Variants in TRIM25 observed in about 807,000 individuals in gnomAD.
TRIM25 encodes the protein E3 ubiquitin/ISG15 ligase TRIM25.
In TRIM25, 45 loss-of-function variants were observed where a neutral mutation model predicts 65.2. The ratio of observed to expected loss-of-function variants is 0.69; its 90% confidence interval spans 0.54 to 0.89. The LOEUF is 0.89. Among genes scored for constraint, TRIM25 ranks in the 40% least tolerant of loss-of-function variants. TRIM25 has a pLI of 0.00. For missense variants in TRIM25, 714 were observed against 803.7 expected (o/e 0.89, Z 1.35); for synonymous variants, 321 against 340.4 (o/e 0.94, Z 0.63).
intron 4 of TRIM25, among the ~76,000 whole-genome samples, chr17:56,899,455 T>C (rs1909366426): frequency 6.6e-6 from 1 of 152,220 alleles, no homozygotes; most frequent in Admixed American, 6.5e-5. Flanking sequence ...CTCTGAGCTT[T>C]GGTTTCTTCG....
At chr17:56,907,527 C>A (rs1334793296) in intron 2 of TRIM25, among the ~76,000 whole-genome samples, 2 of 152,290 alleles carry the variant, frequency 1.3e-5, no homozygotes, top group African/African-American at 4.8e-5. Context: ...GGTGCTGCAG[C>A]TCTGAAAAAG....
In TRIM25 at chr17:56,888,427, A is replaced by T. The variant is rs982299286; in HGVS notation, c.*3273T>A. The T allele has an allele frequency of 1.3e-5, 2 of 151,796 alleles. No individual in the cohort carries two copies. The highest frequency in any genetic ancestry group is 2.9e-5 in the Non-Finnish European group (2 of 67,966). The allele number at this position is 151,796 out of a possible 1,614,324, so 9.4% of individuals were successfully genotyped here. On this transcript the variant is annotated 3_prime_UTR_variant, in exon 9 of 9. Transcript: ENST00000316881. ...CCAATCCACACCTCCTGGAACTCCTACCCCAATTGAAACAAGGATAAAATC... is the reference window on the plus strand; with the variant it reads ...CCAATCCACACCTCCTGGAACTCCTTCCCCAATTGAAACAAGGATAAAATC...
intron 2 of TRIM25, among the ~76,000 whole-genome samples, chr17:56,906,262 C>T (rs1296738000): frequency 7.2e-5 from 11 of 152,244 alleles, no homozygotes; most frequent in African/African-American, 2.2e-4. Flanking sequence ...TGCCTTCCAT[C>T]CTTCCGCTAT....
intron 8 of TRIM25, among the ~76,000 whole-genome samples, chr17:56,893,308 G>A (rs1164091583): frequency 6.6e-6 from 1 of 150,916 alleles, no homozygotes; most frequent in Non-Finnish European, 1.5e-5. Flanking sequence ...AGCTGGGGGT[G>A]GAAAAGGCCC....
At position 56,913,977 on chromosome 17, in the gene TRIM25, C is replaced by G; in HGVS notation, c.12G>C (p.Leu4=). The G allele has an allele frequency of 6.4e-7, 1 of 1,560,670 alleles. No homozygotes were observed. The highest frequency in any genetic ancestry group is 2.3e-5 in the East Asian group (1 of 43,484). The change falls in exon 1 of 9, where the codon CTG becomes CTC. Residue 4 remains leucine, a synonymous_variant. Coordinates refer to ENST00000316881, the MANE Select transcript of TRIM25 (RefSeq NM_005082.5). This position sits in a 1 kb window ranked among gnomAD's most constrained non-coding sequence, Gnocchi z 6.1. ...ACGACAGCTCCTCGGCCAGGGGGCA[C>G]AGCTCTGCCATGGCGCTCCCAGGGG... MAE[L]CPLAEELSCS...
intron 3 of TRIM25, among the ~76,000 whole-genome samples, chr17:56,903,502 G>A (rs1909454335): frequency 6.6e-6 from 1 of 152,192 alleles, no homozygotes; most frequent in Admixed American, 6.5e-5. Flanking sequence ...CTGGAGGAAG[G>A]ATGGGAGGAA....
chr17:56,904,900 A>G (rs931303871), intron 2 of TRIM25, among the ~76,000 whole-genome samples: 4 of 152,238 alleles, frequency 2.6e-5, no homozygotes, highest in African/African-American at 9.6e-5. Flanking sequence ...ATAAATCTCC[A>G]TGAGAGAAAA....
rs1401777199 is a variant in TRIM25 at position 56,913,852 on chromosome 17, G to A, written c.137C>T (p.Ser46Leu). The change falls in exon 1 of 9, where the codon TCG (serine) becomes TTG (leucine). Residue 46 changes from serine to leucine, a missense_variant. Coordinates refer to ENST00000316881, the MANE Select transcript of TRIM25 (RefSeq NM_005082.5). The surrounding 1 kb of genome is among the most constrained non-coding windows in gnomAD (Gnocchi z 6.1). Reference sequence around the variant, plus strand: ...GCGGCACTGCGGGCACAGGTATGGCGAGCCCTGGACTGCCCACGTCTCATT... The same window carrying A: ...GCGGCACTGCGGGCACAGGTATGGCAAGCCCTGGACTGCCCACGTCTCATT... The part of the protein sequence containing the change: ...CLNETWAVQG[S>L]PYLCPQCRAV... 6.4e-7 allele frequency: 1 copy of A among 1,560,730 alleles called. No homozygotes were observed. Among genetic ancestry groups the A allele is most frequent in the Non-Finnish European group, 8.7e-7 (1 of 1,153,016 alleles).
At chr17:56,900,402 C>T (rs913137101) in intron 4 of TRIM25, among the ~76,000 whole-genome samples, 4 of 151,988 alleles carry the variant, frequency 2.6e-5, no homozygotes, top group Admixed American at 6.6e-5. Flanking sequence ...ATAAATAAGC[C>T]GCAGCCCCTG....
chr17:56,895,721 GA>G, intron 6 of TRIM25, 117 bp from the exon 7 acceptor site: 1 of 1,268,848 alleles, frequency 7.9e-7, no homozygotes, highest in Non-Finnish European at 1.1e-6. Context: ...CAACACAGGG[GA>G]AAACAGACAA....
intron 3 of TRIM25, among the ~76,000 whole-genome samples, chr17:56,902,142 C>T (rs999239599): frequency 1.3e-5 from 2 of 152,218 alleles, no homozygotes; most frequent in Non-Finnish European, 1.5e-5. Flanking sequence ...GGGGCAGCTG[C>T]TCCAACAGAC....
intron 1 of TRIM25, among the ~76,000 whole-genome samples, chr17:56,909,047 G>A (rs1487117226): frequency 6.6e-6 from 1 of 152,086 alleles, no homozygotes; most frequent in Non-Finnish European, 1.5e-5. Context: ...GCTCACACAG[G>A]AACAGAACGA....
intron 8 of TRIM25, among the ~76,000 whole-genome samples, chr17:56,895,120 C>G (rs191916211): frequency 2.0e-5 from 3 of 152,048 alleles, no homozygotes; most frequent in Non-Finnish European, 4.4e-5. Context: ...CCAGACTAGA[C>G]GGCAAGAGGG....
At chr17:56,909,299 G>T (rs530682702) in intron 1 of TRIM25, among the ~76,000 whole-genome samples, 1 of 152,050 alleles carries the variant, frequency 6.6e-6, no homozygotes. Context: ...CCAGAACAAG[G>T]CTGGGAGCCT....
At chr17:56,902,958 C>T (rs1387444379) in intron 3 of TRIM25, among the ~76,000 whole-genome samples, 2 of 152,202 alleles carry the variant, frequency 1.3e-5, no homozygotes, top group African/African-American at 2.4e-5. Flanking sequence ...CTCTCTAACC[C>T]TGTGACATGC....
intron 4 of TRIM25, among the ~76,000 whole-genome samples, chr17:56,900,445 T>C (rs1312154735): frequency 6.6e-6 from 1 of 152,046 alleles, no homozygotes; most frequent in Non-Finnish European, 1.5e-5. Context: ...ATGAGGGAGA[T>C]ATACGGGGAT....
At position 56,901,572 on chromosome 17, in the gene TRIM25, A is replaced by G. The variant is rs780447239; in HGVS notation, c.934T>C (p.Ser312Pro). The G allele has an allele frequency of 6.2e-7, 1 of 1,613,882 alleles. No individual in the cohort carries two copies. The change falls in exon 4 of 9, where the codon TCA (serine) becomes CCA (proline). Residue 312 changes from serine to proline, a missense_variant. Physicochemically the swap from Ser to Pro is moderately conservative, Grantham distance 74. Transcript: ENST00000316881. The stretch of plus-strand genomic sequence containing the variant: ...TTTGTTGAGATTCCTCGCAGTTTTG[A>G]TGCTTTCTGGAACATGCCAGGGGGT... ...RDEFEFLEKA[S>P]KLRGISTKPV...
chr17:56,891,558 C>T lies in TRIM25; in HGVS notation c.*142G>A. ...CCCCTTTCCTGGCTAAATCCCACCTCCCACCCTCCCGCCAGCTCCCCTCCC... is the reference window on the plus strand; with the variant it reads ...CCCCTTTCCTGGCTAAATCCCACCTTCCACCCTCCCGCCAGCTCCCCTCCC... On this transcript the variant is annotated 3_prime_UTR_variant, in exon 9 of 9. Coordinates refer to ENST00000316881, the MANE Select transcript of TRIM25 (RefSeq NM_005082.5). 2 of 350,640 alleles carry T rather than the reference C, an allele frequency of 5.7e-6. No homozygotes were observed. The highest frequency in any genetic ancestry group is 3.8e-5 in the Admixed American group (1 of 26,034). 21.7% of individuals were successfully genotyped at this position (350,640 alleles called of 1,614,324 possible).
At chr17:56,910,168 A>AAAC (rs146018986) in intron 1 of TRIM25, among the ~76,000 whole-genome samples, 1 of 152,052 alleles carries the variant, frequency 6.6e-6, no homozygotes, top group African/African-American at 2.4e-5. Context: ...AGAAAAAAAA[A>AAAC]ATTTCCTTCC....
Sources: allele counts gnomAD v4.1 joint callset (sites outside exome capture counted in the v4.1 genomes callset), GRCh38; gene constraint gnomAD v4.1.1; non-coding constraint Gnocchi (gnomAD v3.1); transcripts MANE v1.5; gene names NCBI Gene and HGNC (gene_info 2026-07-23, HGNC 2026-07-21).